The following SDK1 variants were observed in gnomAD, a reference collection of about 807,000 sequenced individuals.
SDK1 encodes the protein protein sidekick-1.
A neutral mutation model predicts 245.5 loss-of-function variants in SDK1; 157 were observed. The observed-to-expected ratio is 0.64, with a 90% CI of 0.56 to 0.73. SDK1 has a LOEUF of 0.73. Ranked by LOEUF, SDK1 falls within the 30% of genes least tolerant of loss-of-function variation. The pLI, the probability that SDK1 is intolerant of heterozygous loss-of-function variation, is 0.00. For synonymous variants in SDK1, 1,647 were observed against 1,278.5 expected, an observed-to-expected ratio of 1.29 and a Z score of -6.15; for missense variants, 3,583 against 3,002.3, an observed-to-expected ratio of 1.19 and a Z score of -4.52.
intron 1 of SDK1, among the ~76,000 whole-genome samples, chr7:3,581,234 T>C (rs971808054): frequency 3.3e-5 from 5 of 152,114 alleles, no homozygotes; most frequent in African/African-American, 9.7e-5. Context: ...ATATCCAGTG[T>C]CTATAAGGAA....
intron 1 of SDK1, among the ~76,000 whole-genome samples, chr7:3,463,166 C>G (rs1282648909): frequency 6.6e-6 from 1 of 152,110 alleles, no homozygotes; most frequent in Non-Finnish European, 1.5e-5. Flanking sequence ...GAGATGGGGT[C>G]GAGATTTGTA....
intron 1 of SDK1, among the ~76,000 whole-genome samples, chr7:3,617,054 T>G (rs1781793931): frequency 6.6e-6 from 1 of 152,224 alleles, no homozygotes; most frequent in African/African-American, 2.4e-5. Flanking sequence ...AGCAAGTTAT[T>G]TAACTTCTCC....
At chr7:4,172,862 C>T (rs1781937224) in intron 32 of SDK1, among the ~76,000 whole-genome samples, 1 of 152,138 alleles carries the variant, frequency 6.6e-6, no homozygotes, top group Admixed American at 6.5e-5. Flanking sequence ...CCAAACTTCC[C>T]TCTTCTCATA....
intron 4 of SDK1, among the ~76,000 whole-genome samples, chr7:3,772,770 A>G (rs1161813317): frequency 6.6e-6 from 1 of 152,110 alleles, no homozygotes; most frequent in African/African-American, 2.4e-5. Flanking sequence ...CAGGTAACAA[A>G]CTCCCTCAAC....
chr7:4,213,411 CAAAAA>C (rs546174942), intron 38 of SDK1, among the ~76,000 whole-genome samples: 1 of 136,360 alleles, frequency 7.3e-6, no homozygotes, highest in Non-Finnish European at 1.6e-5. Context: ...GACTCCGTCT[CAAAAA>C]AAAAAAAAGA....
intron 5 of SDK1, among the ~76,000 whole-genome samples, chr7:3,836,014 T>C (rs796136352): frequency 1.3e-5 from 2 of 152,356 alleles, no homozygotes; most frequent in African/African-American, 4.8e-5. Context: ...AGTATTGGTA[T>C]AGGCTTATAT....
chr7:3,628,089 A>G lies in SDK1; in HGVS notation c.458+8850A>G, dbSNP rs568088620. Among the ~76,000 whole-genome samples, 3 of 152,294 alleles carry G rather than the reference A, an allele frequency of 2.0e-5. No homozygotes were observed. The South Asian group carries it at 6.2e-4, about 32-fold the overall frequency. The stretch of plus-strand genomic sequence containing the variant: ...TTAACTGCGCTCCCTTTGGCCACGC[A>G]TGAGTAAGGCCATAGTGTGACATCT... On this transcript the variant is annotated intron_variant, in intron 2 of 44. Transcript: ENST00000404826.
At chr7:3,519,389 C>T (rs1782857219) in intron 1 of SDK1, among the ~76,000 whole-genome samples, 4 of 152,068 alleles carry the variant, frequency 2.6e-5, no homozygotes, top group Admixed American at 2.0e-4. Flanking sequence ...GTACCCCATA[C>T]ATATATATGA....
intron 1 of SDK1, among the ~76,000 whole-genome samples, chr7:3,548,780 G>C (rs532987934): frequency 4.6e-5 from 7 of 152,092 alleles, no homozygotes; most frequent in Non-Finnish European, 7.4e-5. Flanking sequence ...CTTTTATATT[G>C]GCAAGTTTCT....
At chr7:3,315,257 C>T (rs1044506105) in intron 1 of SDK1, among the ~76,000 whole-genome samples, 3 of 152,112 alleles carry the variant, frequency 2.0e-5, no homozygotes, top group East Asian at 1.9e-4. Flanking sequence ...CTTGTTTTTA[C>T]GGAGTGCTTT....
chr7:3,509,966 T>C (rs1221845506), intron 1 of SDK1, among the ~76,000 whole-genome samples: 1 of 152,186 alleles, frequency 6.6e-6, no homozygotes, highest in Non-Finnish European at 1.5e-5. Context: ...CTCCGAGTCA[T>C]GAATAACATC....
chr7:4,111,535 A>C (rs1783347448), intron 23 of SDK1, among the ~76,000 whole-genome samples: 1 of 152,230 alleles, frequency 6.6e-6, no homozygotes, highest in Non-Finnish European at 1.5e-5. Flanking sequence ...GTTAAAAAAA[A>C]AAAACAATGA....
At chr7:3,406,335 A>G (rs1266104787) in intron 1 of SDK1, among the ~76,000 whole-genome samples, 1 of 152,182 alleles carries the variant, frequency 6.6e-6, no homozygotes, top group African/African-American at 2.4e-5. Context: ...AGCCCAGACA[A>G]TATAAATAGC....
chr7:4,133,488 G>A (rs1471604176), intron 28 of SDK1, among the ~76,000 whole-genome samples: 3 of 152,158 alleles, frequency 2.0e-5, no homozygotes, highest in Non-Finnish European at 4.4e-5. Context: ...GTTTCATTCA[G>A]TGCCTCACAC....
intron 9 of SDK1, among the ~76,000 whole-genome samples, chr7:3,966,310 G>A (rs921536253): frequency 6.6e-6 from 1 of 152,134 alleles, no homozygotes; most frequent in African/African-American, 2.4e-5. Flanking sequence ...CCTGGGTCCC[G>A]TGAGGTCTAC....
intron 43 of SDK1, among the ~76,000 whole-genome samples, chr7:4,245,113 A>C (rs77638024): frequency 0.018 from 2,691 of 152,228 alleles, 53 homozygotes; most frequent in South Asian, 0.1. Flanking sequence ...CCCACATTCA[A>C]AGGATGGGAT....
intron 9 of SDK1, among the ~76,000 whole-genome samples, chr7:3,966,506 C>T (rs75891405): frequency 0.013 from 1,951 of 152,090 alleles, 13 homozygotes; most frequent in Non-Finnish European, 0.021. Flanking sequence ...TGCTCGGGGC[C>T]GTGACCATCC....
At chr7:3,376,478 G>C (rs988783103) in intron 1 of SDK1, among the ~76,000 whole-genome samples, 1 of 152,026 alleles carries the variant, frequency 6.6e-6, no homozygotes, top group African/African-American at 2.4e-5. Context: ...GGATGGCTGA[G>C]GACACGAACA....
At chr7:3,363,541 C>T (rs1157496161) in intron 1 of SDK1, among the ~76,000 whole-genome samples, 2 of 152,146 alleles carry the variant, frequency 1.3e-5, no homozygotes, top group Non-Finnish European at 2.9e-5. Flanking sequence ...CGGCCCCCAA[C>T]CTTTTTGGCA....
Sources: allele counts gnomAD v4.1 joint callset (sites outside exome capture counted in the v4.1 genomes callset), GRCh38; gene constraint gnomAD v4.1.1; transcripts MANE v1.5; gene names NCBI Gene and HGNC (gene_info 2026-07-23, HGNC 2026-07-21).